The following RPH3A variants were observed in gnomAD, a reference collection of about 807,000 sequenced individuals.
RPH3A encodes rabphilin 3A, also known as rabphilin-3A.
In RPH3A, 48 loss-of-function variants were observed where a neutral mutation model predicts 102.2. The observed-to-expected ratio is 0.47, with a 90% confidence interval of 0.37 to 0.60. The LOEUF is 0.60. RPH3A is among the 20% of genes least tolerant of loss of function. The pLI, the probability that RPH3A is intolerant of heterozygous loss-of-function variation, is 0.00. For synonymous variants in RPH3A, 310 were observed against 324.3 expected (o/e 0.96, Z 0.47); for missense variants, 781 against 910.1 (o/e 0.86, Z 1.83).
intron 1 of RPH3A, among the ~76,000 whole-genome samples, chr12:112,681,092 A>T (rs904564050): frequency 2.0e-5 from 3 of 152,086 alleles, no homozygotes; most frequent in Non-Finnish European, 4.4e-5. Flanking sequence ...TGCGTCCCTA[A>T]CTGAGCATCT....
At chr12:112,772,747 T>A (rs2040935709) in intron 1 of RPH3A, among the ~76,000 whole-genome samples, 2 of 151,986 alleles carry the variant, frequency 1.3e-5, no homozygotes, top group Admixed American at 1.3e-4. Context: ...ATATATATAT[T>A]TTCCATAAGT....
chr12:112,778,468 T>C (rs573356141), intron 1 of RPH3A, among the ~76,000 whole-genome samples: 3 of 152,344 alleles, frequency 2.0e-5, no homozygotes, highest in African/African-American at 7.2e-5. Flanking sequence ...GCCATCACTT[T>C]GAAGAATAAT....
intron 1 of RPH3A, among the ~76,000 whole-genome samples, chr12:112,599,638 T>C (rs1247519091): frequency 6.6e-6 from 1 of 152,230 alleles, no homozygotes; most frequent in Non-Finnish European, 1.5e-5. Flanking sequence ...ACCTGATTTT[T>C]TGGATGTTCT....
intron 16 of RPH3A, among the ~76,000 whole-genome samples, chr12:112,887,513 T>C (rs1240596167): frequency 6.6e-6 from 1 of 152,212 alleles, no homozygotes; most frequent in South Asian, 2.1e-4. Flanking sequence ...TCTTTCAGTC[T>C]CTGGAATGTT....
intron 1 of RPH3A, among the ~76,000 whole-genome samples, chr12:112,751,433 T>C (rs927989864): frequency 4.6e-5 from 7 of 152,236 alleles, no homozygotes; most frequent in Non-Finnish European, 1.0e-4. Flanking sequence ...TTTACCTGTC[T>C]ATAAAATGAA....
At chr12:112,863,620 T>C (rs1233631651) in intron 5 of RPH3A, among the ~76,000 whole-genome samples, 1 of 152,154 alleles carries the variant, frequency 6.6e-6, no homozygotes, top group African/African-American at 2.4e-5. Context: ...TGCCCAGTTA[T>C]GGGTTCTAGT....
chr12:112,727,784 T>G (rs1333170750), intron 1 of RPH3A, among the ~76,000 whole-genome samples: 1 of 152,082 alleles, frequency 6.6e-6, no homozygotes, highest in African/African-American at 2.4e-5. Context: ...AAGACCACAT[T>G]AGTAACTTAA....
intron 1 of RPH3A, among the ~76,000 whole-genome samples, chr12:112,655,272 A>G (rs976030533): frequency 6.6e-6 from 1 of 152,212 alleles, no homozygotes; most frequent in African/African-American, 2.4e-5. Context: ...CTCTACAATC[A>G]GCTTATCTAG....
intron 4 of RPH3A, among the ~76,000 whole-genome samples, chr12:112,837,022 T>C (rs2042062314): frequency 6.6e-6 from 1 of 152,232 alleles, no homozygotes. Flanking sequence ...ACTTTTGTGT[T>C]TTTAATTGGA....
intron 1 of RPH3A, among the ~76,000 whole-genome samples, chr12:112,604,726 A>G (rs897729501): frequency 2.0e-5 from 3 of 152,194 alleles, no homozygotes; most frequent in African/African-American, 7.2e-5. Context: ...TGTAGTCAGA[A>G]TGTAGCAGGG....
chr12:112,667,757 G>A (rs754517249), intron 1 of RPH3A, among the ~76,000 whole-genome samples: 1 of 151,352 alleles, frequency 6.6e-6, no homozygotes, highest in Non-Finnish European at 1.5e-5. Flanking sequence ...ATTGTTTAGA[G>A]CAGGCCACCT....
chr12:112,715,008 G>T (rs2040504176), intron 1 of RPH3A, among the ~76,000 whole-genome samples: 1 of 151,598 alleles, frequency 6.6e-6, no homozygotes, highest in Non-Finnish European at 1.5e-5. Flanking sequence ...CCTCCAGGAA[G>T]CCTTCTCTGA....
At chr12:112,589,122 G>C (rs2039458491) in intron 1 of RPH3A, among the ~76,000 whole-genome samples, 1 of 151,980 alleles carries the variant, frequency 6.6e-6, no homozygotes, top group Admixed American at 6.6e-5. Context: ...GGCTGGTAGA[G>C]GGGGCGATTA....
Position 112,897,342 on chromosome 12 carries a change from C to T in RPH3A, c.*562C>T, listed in dbSNP as rs1405572948. The stretch of plus-strand genomic sequence containing the variant: ...ACAGACTGCTGTGTTCAGTAACACA[C>T]CCTCCCTGCTCCAAGTGCACCAGGA... On this transcript the variant is annotated 3_prime_UTR_variant, in exon 22 of 22. Transcript: ENST00000389385. The T allele has an allele frequency of 1.3e-5, 2 of 153,296 alleles. No individual in the cohort carries two copies. The highest frequency in any genetic ancestry group is 4.8e-5 in the African/African-American group (2 of 41,444). The allele number at this position is 153,296 out of a possible 1,614,324, so 9.5% of individuals were successfully genotyped here. A position where few individuals can be genotyped will look rare whatever the true frequency, so the allele number is the denominator to read the frequency against.
At chr12:112,653,362 T>C (rs1484346533) in intron 1 of RPH3A, among the ~76,000 whole-genome samples, 1 of 135,474 alleles carries the variant, frequency 7.4e-6, no homozygotes, top group Admixed American at 7.7e-5. Context: ...ACAGCGAGAC[T>C]CCATCTAAAA....
chr12:112,710,713 T>C (rs2040454960), intron 1 of RPH3A, among the ~76,000 whole-genome samples: 1 of 152,234 alleles, frequency 6.6e-6, no homozygotes, highest in Non-Finnish European at 1.5e-5. Flanking sequence ...GGAAGATATG[T>C]AAAGAAGTCA....
At chr12:112,697,685 T>C (rs750984419) in intron 1 of RPH3A, among the ~76,000 whole-genome samples, 1 of 151,998 alleles carries the variant, frequency 6.6e-6, no homozygotes, top group African/African-American at 2.4e-5. Context: ...GCCAACATGG[T>C]GAAATGCTGT....
Position 112,759,119 on chromosome 12 carries a change from C to A in RPH3A, c.-139-33024C>A, listed in dbSNP as rs559666163. Among the ~76,000 whole-genome samples the A allele has an allele frequency of 1.3e-4, 20 of 152,236 alleles. No homozygotes were observed. In the South Asian group the frequency reaches 4.2e-3, roughly 32 times the overall value. On this transcript the variant is annotated intron_variant, in intron 1 of 21. Coordinates refer to the RPH3A transcript ENST00000543106. The stretch of plus-strand genomic sequence containing the variant: ...AACACATGTGTGATTGCGGTCACTG[C>A]CTTAGAAATTGTTTTGAAAGCATGC...
At chr12:112,585,719 A>G (rs977743603) in intron 1 of RPH3A, among the ~76,000 whole-genome samples, 1 of 152,168 alleles carries the variant, frequency 6.6e-6, no homozygotes, top group African/African-American at 2.4e-5. Flanking sequence ...CCTGGGCAAT[A>G]GAGTGAAACT....
Sources: gnomAD v4.1 joint callset for allele counts (sites outside exome capture counted in the v4.1 genomes callset) on GRCh38, gnomAD v4.1.1 for gene constraint, MANE v1.5 for transcripts, NCBI Gene and HGNC (gene_info 2026-07-23, HGNC 2026-07-21) for gene names.